The following DPP10 variants were observed in gnomAD, a reference collection of about 807,000 sequenced individuals.
DPP10 encodes the protein dipeptidyl peptidase like 10, also known as inactive dipeptidyl peptidase 10.
Under a neutral mutation model 120.9 loss-of-function variants are expected in DPP10, and 33 were observed. That is an observed-to-expected ratio of 0.27 (90% CI 0.21 to 0.37). DPP10 has a LOEUF of 0.37. DPP10 is among the 10% of genes least tolerant of loss of function. The pLI, the probability that DPP10 is intolerant of heterozygous loss-of-function variation, is 1.00. For synonymous variants in DPP10, 337 were observed against 326.1 expected (o/e 1.03, Z -0.36); for missense variants, 816 against 942.8 (o/e 0.87, Z 1.76).
chr2:115,422,577 TC>T (rs1436832896), intron 3 of DPP10, among the ~76,000 whole-genome samples: 1 of 152,208 alleles, frequency 6.6e-6, no homozygotes, highest in Non-Finnish European at 1.5e-5. Context: ...TTTCATTCTG[TC>T]CTTGCAAATA....
chr2:115,790,468 G>A (rs1036642730), intron 17 of DPP10, among the ~76,000 whole-genome samples: 1 of 152,130 alleles, frequency 6.6e-6, no homozygotes, highest in African/African-American at 2.4e-5. Context: ...GCAAGTTACT[G>A]ATGTCCACTT....
chr2:115,569,707 A>T (rs923850350), intron 5 of DPP10, among the ~76,000 whole-genome samples: 6 of 152,214 alleles, frequency 3.9e-5, no homozygotes, highest in Non-Finnish European at 7.3e-5. Context: ...AACTAGTACA[A>T]GTATGCATTC....
intron 1 of DPP10, among the ~76,000 whole-genome samples, chr2:114,873,924 T>G (rs1321671802): frequency 6.6e-6 from 1 of 152,108 alleles, no homozygotes; most frequent in Admixed American, 6.6e-5. Flanking sequence ...GATACAAAAC[T>G]TGCTTACTTA....
At chr2:115,330,627 G>A (rs1260593290) in intron 2 of DPP10, among the ~76,000 whole-genome samples, 3 of 151,920 alleles carry the variant, frequency 2.0e-5, no homozygotes, top group Non-Finnish European at 4.4e-5. Flanking sequence ...TGTAAGGAAG[G>A]GATCCAGTTT....
At chr2:115,605,209 G>C (rs1359900134) in intron 5 of DPP10, among the ~76,000 whole-genome samples, 2 of 151,958 alleles carry the variant, frequency 1.3e-5, no homozygotes, top group Admixed American at 6.6e-5. Flanking sequence ...ATCAATTTTT[G>C]GGATGTCACA....
At chr2:114,668,908 C>G (rs1338584371) in intron 1 of DPP10, among the ~76,000 whole-genome samples, 1 of 152,048 alleles carries the variant, frequency 6.6e-6, no homozygotes, top group African/African-American at 2.4e-5. Context: ...TGTAATGAAT[C>G]AGTTATGTTC....
chr2:115,342,471 C>T (rs1281326361), intron 2 of DPP10, among the ~76,000 whole-genome samples: 4 of 152,080 alleles, frequency 2.6e-5, no homozygotes, highest in South Asian at 2.1e-4. Context: ...GCCTTGGCCT[C>T]GCAAAGTGCT....
chr2:115,780,817 C>T, intron 15 of DPP10, 57 bp from the exon 16 acceptor site: 2 of 1,493,788 alleles, frequency 1.3e-6, no homozygotes, highest in East Asian at 2.3e-5. Flanking sequence ...GAACACCACA[C>T]ATTCAAGTGC....
At chr2:114,488,163 A>C (rs1339003492) in intron 1 of DPP10, among the ~76,000 whole-genome samples, 2 of 152,152 alleles carry the variant, frequency 1.3e-5, no homozygotes, top group African/African-American at 4.8e-5. Context: ...TTTGACAGCT[A>C]TCAATATGTC....
At chr2:114,669,204 T>A (rs954075361) in intron 1 of DPP10, among the ~76,000 whole-genome samples, 1 of 152,212 alleles carries the variant, frequency 6.6e-6, no homozygotes, top group Non-Finnish European at 1.5e-5. Context: ...TACATTTTAG[T>A]GTAATACTTG....
chr2:115,282,225 A>G (rs796895031), intron 1 of DPP10, among the ~76,000 whole-genome samples: 3 of 152,098 alleles, frequency 2.0e-5, no homozygotes, highest in Non-Finnish European at 2.9e-5. Context: ...ATAATATTAC[A>G]TAATAGTTAT....
At chr2:115,769,510 C>T (rs887916828) in intron 13 of DPP10, among the ~76,000 whole-genome samples, 6 of 151,682 alleles carry the variant, frequency 4.0e-5, no homozygotes, top group South Asian at 2.1e-4. Flanking sequence ...ATTTTAATTA[C>T]GACTGAAAGA....
At chr2:114,808,100 C>G (rs1226120799) in intron 1 of DPP10, among the ~76,000 whole-genome samples, 1 of 152,178 alleles carries the variant, frequency 6.6e-6, no homozygotes, top group East Asian at 1.9e-4. Context: ...TTTATGAACA[C>G]ACGTCCTTTT....
At chr2:115,485,689 T>C (rs917438346) in intron 3 of DPP10, among the ~76,000 whole-genome samples, 3 of 152,112 alleles carry the variant, frequency 2.0e-5, no homozygotes, top group African/African-American at 7.2e-5. Context: ...GTTATGTCAT[T>C]ATGCATTTGA....
chr2:115,343,897 G>A lies in DPP10; in HGVS notation c.256G>A (p.Ala86Thr). The part of the protein sequence containing the change: ...RKDFVLHDPE[A>T]RWINDTDVVY... ...AGACTTTGTGCTTCACGATCCAGAG[G>A]CTCGGTGGATCAATGGTAAGTGTAT... Residue 86 changes from alanine to threonine, a missense_variant, in exon 3 of 26, where the codon GCT (alanine) becomes ACT (threonine). This residue lies in a region of DPP10 where 182 missense variants were observed against 207.4 expected (regional missense o/e 0.88). Transcript: ENST00000410059. 6.2e-7 allele frequency: 1 copy of A among 1,610,610 alleles called. No individual in the cohort carries two copies. The highest frequency in any genetic ancestry group is 8.5e-7 in the Non-Finnish European group (1 of 1,178,284).
At chr2:115,019,001 C>T (rs1702873993) in intron 1 of DPP10, among the ~76,000 whole-genome samples, 1 of 151,882 alleles carries the variant, frequency 6.6e-6, no homozygotes, top group African/African-American at 2.4e-5. Context: ...CAGCAGGACC[C>T]AGTCACCATC....
At chr2:114,906,198 T>G (rs1470083369) in intron 1 of DPP10, among the ~76,000 whole-genome samples, 1 of 151,262 alleles carries the variant, frequency 6.6e-6, no homozygotes, top group Non-Finnish European at 1.5e-5. Flanking sequence ...GCCAAAATAG[T>G]GAAAACCCAT....
intron 5 of DPP10, chr2:115,526,257 C>A (rs111233747): frequency 6.7e-6 from 2 of 299,036 alleles, no homozygotes; most frequent in African/African-American, 2.2e-5. Flanking sequence ...CCAACAAATG[C>A]GGGCTTGTGA....
chr2:114,848,757 GA>G (rs1688731154), intron 1 of DPP10, among the ~76,000 whole-genome samples: 1 of 152,208 alleles, frequency 6.6e-6, no homozygotes, highest in Admixed American at 6.5e-5. Context: ...GAATAGGTCA[GA>G]AAGCTTTTGC....
Sources: gnomAD v4.1 joint callset for allele counts (sites outside exome capture counted in the v4.1 genomes callset) on GRCh38, gnomAD v4.1.1 for gene constraint, gnomAD v4.1.1 regional missense constraint, MANE v1.5 for transcripts, NCBI Gene and HGNC (gene_info 2026-07-23, HGNC 2026-07-21) for gene names.